SMOC2: variants seen among roughly 807,000 people sequenced by gnomAD.
SMOC2 encodes SPARC related modular calcium binding 2.
SMOC2 carries 39 observed loss-of-function variants against 61.4 expected under a neutral mutation model. The ratio of observed to expected loss-of-function variants is 0.64; its 90% CI spans 0.49 to 0.83. The LOEUF (loss-of-function observed/expected upper bound fraction) is 0.83, where lower values mean the gene tolerates loss of function less well. Ranked by LOEUF, SMOC2 falls within the 40% of genes least tolerant of loss-of-function variation. The pLI is 0.00. For synonymous variants in SMOC2, 247 were observed against 239.9 expected (o/e 1.03, Z -0.27); for missense variants, 556 against 592.9 (o/e 0.94, Z 0.65).
At chr6:168,520,165 C>T (rs1278241277) in intron 2 of SMOC2, among the ~76,000 whole-genome samples, 1 of 152,140 alleles carries the variant, frequency 6.6e-6, no homozygotes, top group African/African-American at 2.4e-5. Context: ...ACAGCACTTT[C>T]ATCTATATTA....
At chr6:168,650,599 TA>T in intron 9 of SMOC2, 81 bp from the exon 10 acceptor site, 1 of 1,353,708 alleles carries the variant, frequency 7.4e-7, no homozygotes, top group Non-Finnish European at 1.0e-6. Flanking sequence ...TTCCAAACAG[TA>T]AAACAACATT....
intron 9 of SMOC2, among the ~76,000 whole-genome samples, chr6:168,640,143 C>G (rs1269628655): frequency 6.6e-6 from 1 of 151,806 alleles, no homozygotes; most frequent in Non-Finnish European, 1.5e-5. Flanking sequence ...TTGTTCCCTC[C>G]AGGTCCTCGT....
chr6:168,630,986 C>T lies in SMOC2; in HGVS notation c.908-19695C>T, dbSNP rs1197978997. 2.0e-5 allele frequency among the ~76,000 whole-genome samples: 3 copies of T among 152,174 alleles called. No individual in the cohort carries two copies. The East Asian group carries it at 5.8e-4, about 29-fold the overall frequency. Reference sequence around the variant, plus strand: ...ACTTCATTAGCAATTTTAATTTCACCCCGGGCCTGTGGTCCTGTGATCTCA... The same window carrying T: ...ACTTCATTAGCAATTTTAATTTCACTCCGGGCCTGTGGTCCTGTGATCTCA... On this transcript the variant is annotated intron_variant, in intron 9 of 12. Coordinates refer to ENST00000356284, the MANE Select transcript of SMOC2 (RefSeq NM_001166412.2).
At chr6:168,619,503 C>T (rs555089038) in intron 9 of SMOC2, among the ~76,000 whole-genome samples, 5 of 152,280 alleles carry the variant, frequency 3.3e-5, no homozygotes, top group African/African-American at 9.6e-5. Context: ...AGCAGTTTAT[C>T]CTAAATGATT....
chr6:168,614,744 A>AGG (rs201495664), intron 9 of SMOC2, among the ~76,000 whole-genome samples: 3 of 53,504 alleles, frequency 5.6e-5, no homozygotes, highest in Admixed American at 2.0e-4. Context: ...CAGCCAGCAC[A>AGG]GGGCCTCTTC....
chr6:168,503,825 C>T (rs1041577182), intron 1 of SMOC2, among the ~76,000 whole-genome samples: 16 of 152,080 alleles, frequency 1.1e-4, no homozygotes. Flanking sequence ...TCTAGTGCAT[C>T]AGGGAGGATC....
intron 7 of SMOC2, among the ~76,000 whole-genome samples, chr6:168,587,235 T>C (rs1187881060): frequency 1.3e-5 from 2 of 152,242 alleles, no homozygotes; most frequent in Non-Finnish European, 2.9e-5. Flanking sequence ...TACACTCATA[T>C]ATTCTTCCAC....
At chr6:168,624,872 AAC>A (rs139582073) in intron 9 of SMOC2, among the ~76,000 whole-genome samples, 69,541 of 151,044 alleles carry the variant, frequency 0.46, 16,178 homozygotes, top group South Asian at 0.54. Flanking sequence ...CATTCACAGA[AAC>A]ACACACACAA....
At chr6:168,657,578 CT>C (rs1208556999) in intron 11 of SMOC2, among the ~76,000 whole-genome samples, 7 of 152,322 alleles carry the variant, frequency 4.6e-5, no homozygotes, top group African/African-American at 1.7e-4. Flanking sequence ...CCCGATACTG[CT>C]TTTGGCTTCT....
chr6:168,579,129 C>T (rs890407619), intron 7 of SMOC2, among the ~76,000 whole-genome samples: 3 of 152,192 alleles, frequency 2.0e-5, no homozygotes, highest in South Asian at 2.1e-4. Flanking sequence ...GAATTCAAAC[C>T]GGGTGGCCCT....
chr6:168,609,624 C>A (rs933341437), intron 9 of SMOC2, among the ~76,000 whole-genome samples: 5 of 152,136 alleles, frequency 3.3e-5, no homozygotes, highest in African/African-American at 9.7e-5. Context: ...CATCTCTTGT[C>A]TCTGAAGTCC....
intron 4 of SMOC2, among the ~76,000 whole-genome samples, chr6:168,531,993 C>T (rs1295710216): frequency 1.3e-5 from 2 of 152,062 alleles, no homozygotes; most frequent in African/African-American, 4.8e-5. Flanking sequence ...TTGGATATGG[C>T]GAGGACAAGA....
chr6:168,501,477 C>T (rs762663672), intron 1 of SMOC2, among the ~76,000 whole-genome samples: 2 of 151,950 alleles, frequency 1.3e-5, no homozygotes, highest in African/African-American at 4.8e-5. Flanking sequence ...CATCGTCCCT[C>T]CCTCGCCACG....
At chr6:168,514,953 C>T (rs1290457807) in intron 2 of SMOC2, among the ~76,000 whole-genome samples, 1 of 152,144 alleles carries the variant, frequency 6.6e-6, no homozygotes, top group Non-Finnish European at 1.5e-5. Context: ...TCAGGTGTCT[C>T]CCTAGCATGT....
intron 9 of SMOC2, among the ~76,000 whole-genome samples, chr6:168,627,682 A>G (rs533536270): frequency 6.6e-6 from 1 of 152,332 alleles, no homozygotes; most frequent in South Asian, 2.1e-4. Context: ...TCTCAGGGAC[A>G]GGCAGCAAGA....
At chr6:168,464,672 A>G (rs1372547600) in intron 1 of SMOC2, among the ~76,000 whole-genome samples, 1 of 152,176 alleles carries the variant, frequency 6.6e-6, no homozygotes, top group Non-Finnish European at 1.5e-5. Flanking sequence ...CTCCAAACAT[A>G]TCATGTGCCA....
intron 9 of SMOC2, among the ~76,000 whole-genome samples, chr6:168,637,220 A>T (rs1057349869): frequency 7.2e-5 from 11 of 152,170 alleles, no homozygotes; most frequent in Admixed American, 3.3e-4. Context: ...GAAAGTGTGA[A>T]TGAAAACCAT....
chr6:168,464,226 G>A (rs563446636), intron 1 of SMOC2, among the ~76,000 whole-genome samples: 1 of 150,714 alleles, frequency 6.6e-6, no homozygotes, highest in Non-Finnish European at 1.5e-5. Context: ...AGGAAGGAAG[G>A]AAGAAAAGGA....
chr6:168,503,269 G>T (rs1429320240), intron 1 of SMOC2, among the ~76,000 whole-genome samples: 1 of 149,604 alleles, frequency 6.7e-6, no homozygotes, highest in African/African-American at 2.5e-5. Context: ...GTAGAGACGG[G>T]GTTTCAGCAT....
Sources: allele counts gnomAD v4.1 joint callset (sites outside exome capture counted in the v4.1 genomes callset), GRCh38; gene constraint gnomAD v4.1.1; transcripts MANE v1.5; gene names NCBI Gene and HGNC (gene_info 2026-07-23, HGNC 2026-07-21).